TARP: variants seen among roughly 807,000 people sequenced by gnomAD.
At chr7:38,270,050 A>T in the TARP span, among the ~76,000 whole-genome samples, 81,803 of 151,308 alleles carry the variant, frequency 0.54, 24,320 homozygotes, top group African/African-American at 0.81. Flanking sequence ...TGCAGTGAGA[A>T]TTGATCACAC....
chr7:38,263,545 C>T, the TARP span, among the ~76,000 whole-genome samples: 1 of 151,316 alleles, frequency 6.6e-6, no homozygotes, highest in Admixed American at 6.6e-5. Flanking sequence ...GCTCAGATTT[C>T]AGTGCAATTC....
the TARP span, among the ~76,000 whole-genome samples, chr7:38,272,724 C>T: frequency 6.7e-6 from 1 of 149,996 alleles, no homozygotes; most frequent in East Asian, 1.9e-4. Flanking sequence ...AAAGTGCTAG[C>T]TCCAGGAGTC....
At chr7:38,269,566 A>C in the TARP span, 7 of 659,196 alleles carry the variant, frequency 1.1e-5, no homozygotes, top group African/African-American at 1.8e-5. Flanking sequence ...CATATCAAAA[A>C]CTCTAATTCA....
the TARP span, among the ~76,000 whole-genome samples, chr7:38,261,518 G>A: frequency 1.3e-5 from 2 of 151,248 alleles, no homozygotes; most frequent in African/African-American, 4.9e-5. Context: ...AAAGACCAAA[G>A]ACTAAAACAA....
chr7:38,266,038 CTT>C, the TARP span, among the ~76,000 whole-genome samples: 1 of 151,202 alleles, frequency 6.6e-6, no homozygotes, highest in Admixed American at 6.6e-5. Flanking sequence ...TTTTTAATCT[CTT>C]TTGTTTCATC....
At chr7:38,270,386 C>T in the TARP span, among the ~76,000 whole-genome samples, 1 of 151,494 alleles carries the variant, frequency 6.6e-6, no homozygotes, top group Non-Finnish European at 1.5e-5. Flanking sequence ...TTTCACACGC[C>T]CAATCTTTAA....
chr7:38,260,198 C>T, the TARP span: 2 of 1,595,674 alleles, frequency 1.3e-6, no homozygotes, highest in Middle Eastern at 1.7e-4. Context: ...ATGTAATATG[C>T]AGAGGTGTTT....
At chr7:38,272,980 A>T in the TARP span, among the ~76,000 whole-genome samples, 1 of 151,170 alleles carries the variant, frequency 6.6e-6, no homozygotes, top group African/African-American at 2.4e-5. Flanking sequence ...ATTCTCTGAA[A>T]ACTTTCATTT....
chr7:38,271,599 G>T, the TARP span, among the ~76,000 whole-genome samples: 17,460 of 151,058 alleles, frequency 0.12, 1,332 homozygotes, highest in African/African-American at 0.22. Context: ...ATTACTTGGG[G>T]TAATGTCTCT....
the TARP span, among the ~76,000 whole-genome samples, chr7:38,261,019 C>T: frequency 2.0e-5 from 3 of 151,932 alleles, no homozygotes; most frequent in Middle Eastern, 3.2e-3. Context: ...CTATGCCAGA[C>T]ATCTCACATT....
At chr7:38,265,894 A>C in the TARP span, among the ~76,000 whole-genome samples, 1 of 151,454 alleles carries the variant, frequency 6.6e-6, no homozygotes, top group African/African-American at 2.4e-5. Flanking sequence ...ATAACTTGCC[A>C]AAAGTCACAG....
chr7:38,266,637 T>G, the TARP span, among the ~76,000 whole-genome samples: 4 of 151,688 alleles, frequency 2.6e-5, no homozygotes, highest in Non-Finnish European at 5.9e-5. Context: ...ACACAGTCAC[T>G]TGTTTTAAAG....
chr7:38,265,453 G>A, the TARP span: 24 of 1,611,136 alleles, frequency 1.5e-5, 1 homozygote, highest in South Asian at 5.5e-5. Flanking sequence ...TTCTGGCACC[G>A]TTAACCAGCT....
chr7:38,272,478 G>C, the TARP span, among the ~76,000 whole-genome samples: 1 of 140,846 alleles, frequency 7.1e-6, no homozygotes, highest in Non-Finnish European at 1.5e-5. Context: ...AAGTGAAAAA[G>C]CCAGATCTAT....
the TARP span, among the ~76,000 whole-genome samples, chr7:38,260,740 T>C: frequency 2.0e-5 from 3 of 151,834 alleles, no homozygotes; most frequent in South Asian, 2.1e-4. Flanking sequence ...TGTTTTGTCT[T>C]CATAAAGTGA....
the TARP span, among the ~76,000 whole-genome samples, chr7:38,270,185 G>C: frequency 6.6e-6 from 1 of 152,006 alleles, no homozygotes. Flanking sequence ...CTATGATTGT[G>C]TGCCTTGACA....
chr7:38,262,874 G>T, the TARP span, among the ~76,000 whole-genome samples: 7 of 151,488 alleles, frequency 4.6e-5, no homozygotes, highest in African/African-American at 1.7e-4. Context: ...GCGCAGGCTG[G>T]TTTCAAACTC....
the TARP span, chr7:38,273,489 G>A: frequency 9.9e-7 from 1 of 1,005,202 alleles, no homozygotes; most frequent in Non-Finnish European, 1.5e-6. Context: ...ATTTCACCAT[G>A]ATTAGTGACC....
the TARP span, chr7:38,265,781 C>A: frequency 1.4e-5 from 12 of 870,628 alleles, no homozygotes; most frequent in Middle Eastern, 2.4e-3. Flanking sequence ...AGAGAAGATG[C>A]CATTGAGCTG....
Sources: allele counts gnomAD v4.1 joint callset (sites outside exome capture counted in the v4.1 genomes callset), GRCh38; gene constraint gnomAD v4.1.1; transcripts MANE v1.5.